The following CNTN5 variants were observed in gnomAD, a reference collection of about 807,000 sequenced individuals.
CNTN5 encodes the protein contactin-5.
Under a neutral mutation model 129.1 loss-of-function variants are expected in CNTN5, and 77 were observed. The ratio of observed to expected loss-of-function variants is 0.60; its 90% CI spans 0.50 to 0.72. The LOEUF is 0.72. Among genes scored for constraint, CNTN5 ranks in the 30% least tolerant of loss-of-function variants. CNTN5 has a pLI of 0.00. For synonymous variants in CNTN5, 509 were observed against 465.6 expected (o/e 1.09, Z -1.20); for missense variants, 1,478 against 1,328.8 (o/e 1.11, Z -1.75).
In CNTN5 at chr11:99,546,373, A is replaced by G. The variant is rs191887217; in HGVS notation, c.-70-9772A>G. Among the ~76,000 whole-genome samples the G allele has an allele frequency of 3.7e-4, 56 of 152,286 alleles. 2 individuals are homozygous for G. The highest frequency in any genetic ancestry group is 1.2e-3 in the African/African-American group (51 of 41,564). ...ACAGGTTGCTTAAAAATACATATTC[A>G]AAAGGATACAGGAGGAACTATGAAT... On this transcript the variant is annotated intron_variant, in intron 2 of 24. Coordinates refer to ENST00000524871, the MANE Select transcript of CNTN5 (RefSeq NM_014361.4).
chr11:100,080,400 C>A (rs1944314329), intron 13 of CNTN5, among the ~76,000 whole-genome samples: 1 of 152,052 alleles, frequency 6.6e-6, no homozygotes, highest in African/African-American at 2.4e-5. Flanking sequence ...GCAAAATTTT[C>A]AACTTATTTA....
intron 9 of CNTN5, among the ~76,000 whole-genome samples, chr11:100,003,198 C>A (rs1939986206): frequency 6.6e-6 from 1 of 151,950 alleles, no homozygotes; most frequent in Non-Finnish European, 1.5e-5. Context: ...AGACTATAAG[C>A]AAAATGAATT....
intron 7 of CNTN5, among the ~76,000 whole-genome samples, chr11:99,930,106 C>A (rs545125790): frequency 1.3e-5 from 2 of 152,182 alleles, no homozygotes; most frequent in South Asian, 2.1e-4. Context: ...AGTGACTTGC[C>A]AGTGTCTGGG....
intron 13 of CNTN5, among the ~76,000 whole-genome samples, chr11:100,098,303 A>T (rs1945086517): frequency 6.6e-6 from 1 of 152,086 alleles, no homozygotes; most frequent in Non-Finnish European, 1.5e-5. Context: ...ATAAGAAAGT[A>T]GTGATTACTT....
intron 4 of CNTN5, among the ~76,000 whole-genome samples, chr11:99,836,561 G>A (rs1947314082): frequency 6.6e-6 from 1 of 152,012 alleles, no homozygotes; most frequent in Non-Finnish European, 1.5e-5. Flanking sequence ...ATTTGGGTTG[G>A]TTCCAAGTCT....
chr11:99,198,868 G>A (rs571002170), intron 1 of CNTN5, among the ~76,000 whole-genome samples: 11 of 152,238 alleles, frequency 7.2e-5, no homozygotes, highest in African/African-American at 2.6e-4. Context: ...AACTTTAAGA[G>A]TAATCTGATT....
At chr11:99,636,844 C>G (rs949488616) in intron 3 of CNTN5, among the ~76,000 whole-genome samples, 2 of 150,318 alleles carry the variant, frequency 1.3e-5, no homozygotes, top group Non-Finnish European at 3.0e-5. Context: ...TGAAACCCGT[C>G]TCTACTAAAA....
At position 100,340,666 on chromosome 11, in the gene CNTN5, TTTTG is replaced by T; in HGVS notation, c.2917+25_2917+28del. On this transcript the variant is annotated intron_variant, in intron 22 of 24. Coordinates refer to ENST00000524871, the MANE Select transcript of CNTN5 (RefSeq NM_014361.4). ...AGAAATCCCGTAAGTGACCTGGGCT[TTTTG>T]TTTGTTTCAGACAAAGGGGAAACAT... 1 of 1,574,646 alleles carries T rather than the reference TTTTG, an allele frequency of 6.4e-7. No homozygotes were observed. The highest frequency in any genetic ancestry group is 1.9e-5 in the Admixed American group (1 of 51,642).
chr11:99,315,336 T>C (rs1865296256), intron 1 of CNTN5, among the ~76,000 whole-genome samples: 1 of 149,604 alleles, frequency 6.7e-6, no homozygotes. Context: ...TGTGCCACTG[T>C]AGGCTTGTTG....
At chr11:99,349,631 G>A (rs1031738750) in intron 2 of CNTN5, among the ~76,000 whole-genome samples, 6 of 152,140 alleles carry the variant, frequency 3.9e-5, no homozygotes, top group Non-Finnish European at 8.8e-5. Flanking sequence ...CAGCAGGTCC[G>A]GTTGAGGCCA....
At chr11:100,308,738 A>T in intron 21 of CNTN5, 1 of 1,049,776 alleles carries the variant, frequency 9.5e-7, no homozygotes, top group Non-Finnish European at 1.1e-6. Flanking sequence ...AGCTACAGGT[A>T]GATATTTAAT....
chr11:99,751,414 A>C (rs901426979), intron 3 of CNTN5, among the ~76,000 whole-genome samples: 3 of 152,208 alleles, frequency 2.0e-5, no homozygotes, highest in African/African-American at 7.2e-5. Context: ...TGAACAACTT[A>C]GTTCCCAGTC....
At chr11:99,649,544 T>G (rs921622787) in intron 3 of CNTN5, among the ~76,000 whole-genome samples, 1 of 151,838 alleles carries the variant, frequency 6.6e-6, no homozygotes, top group South Asian at 2.1e-4. Flanking sequence ...AAAGAAAATA[T>G]TTTTTGGTGA....
intron 1 of CNTN5, among the ~76,000 whole-genome samples, chr11:99,194,033 A>G (rs1858780252): frequency 6.6e-6 from 1 of 152,186 alleles, no homozygotes; most frequent in African/African-American, 2.4e-5. Context: ...CTGGCAAAGG[A>G]ACAAGCTAGT....
intron 6 of CNTN5, among the ~76,000 whole-genome samples, chr11:99,849,343 C>CATAT (rs202044970): frequency 2.7e-5 from 4 of 149,914 alleles, no homozygotes; most frequent in Admixed American, 6.7e-5. Context: ...GCAGATTCAA[C>CATAT]ATATATATAT....
In CNTN5 at chr11:99,636,770, T is replaced by G. The variant is rs1330040736; in HGVS notation, c.55+80501T>G. Among the ~76,000 whole-genome samples, 4 of 103,910 alleles carry G rather than the reference T, an allele frequency of 3.8e-5. No homozygotes were observed. The East Asian group carries it at 1.0e-3, about 26-fold the overall frequency. The allele number at this position is 103,910 out of a possible 152,430, so 68.2% of individuals were successfully genotyped here. ...TGGCTCATACCTGTAATCTCAGCAC[T>G]TTGGGAGGCCAAGGTGGGGGGATGG... On this transcript the variant is annotated intron_variant, in intron 3 of 24. Transcript: ENST00000524871.
At chr11:99,895,138 T>C (rs750916479) in intron 6 of CNTN5, among the ~76,000 whole-genome samples, 12 of 152,154 alleles carry the variant, frequency 7.9e-5, no homozygotes, top group Non-Finnish European at 1.6e-4. Flanking sequence ...GATAATAGAA[T>C]TGTGATTTTT....
chr11:100,006,519 G>A (rs1211312240), intron 9 of CNTN5, among the ~76,000 whole-genome samples: 1 of 152,052 alleles, frequency 6.6e-6, no homozygotes, highest in African/African-American at 2.4e-5. Flanking sequence ...ACTAACTCAA[G>A]AAACCCCTTT....
chr11:99,995,012 A>C (rs151244489), intron 8 of CNTN5, among the ~76,000 whole-genome samples: 1 of 152,302 alleles, frequency 6.6e-6, no homozygotes, highest in East Asian at 1.9e-4. Context: ...ATAAAGAGAG[A>C]AGAAGTCGTT....
Sources: gnomAD v4.1 joint callset for allele counts (sites outside exome capture counted in the v4.1 genomes callset) on GRCh38, gnomAD v4.1.1 for gene constraint, MANE v1.5 for transcripts, NCBI Gene and HGNC (gene_info 2026-07-23, HGNC 2026-07-21) for gene names.